ASH1L: variants seen among roughly 807,000 people sequenced by gnomAD.
ASH1L encodes the protein histone-lysine N-methyltransferase ASH1L.
ASH1L carries 23 observed loss-of-function variants against 269.0 expected under a neutral mutation model. The observed-to-expected ratio is 0.09, with a 90% CI of 0.06 to 0.12. The LOEUF (loss-of-function observed/expected upper bound fraction) is 0.12. ASH1L is among the 10% of genes least tolerant of loss of function. ASH1L has a pLI of 1.00. For missense variants in ASH1L, 2,912 were observed against 3,567.8 expected, an observed-to-expected ratio of 0.82 and a Z score of 4.68; for synonymous variants, 1,187 against 1,253.5, an observed-to-expected ratio of 0.95 and a Z score of 1.12.
intron 3 of ASH1L, among the ~76,000 whole-genome samples, chr1:155,475,973 T>C (rs191229022): frequency 6.6e-6 from 1 of 150,732 alleles, no homozygotes; most frequent in Admixed American, 6.6e-5. Context: ...CATTCTCTAT[T>C]ATATAACAAG....
chr1:155,490,752 T>C (rs994851125), intron 2 of ASH1L, among the ~76,000 whole-genome samples: 1 of 151,578 alleles, frequency 6.6e-6, no homozygotes, highest in African/African-American at 2.4e-5. Flanking sequence ...AACCTAAGAG[T>C]TTGAGACTAC....
At chr1:155,555,196 C>T (rs1360399457) in intron 1 of ASH1L, among the ~76,000 whole-genome samples, 1 of 150,458 alleles carries the variant, frequency 6.6e-6, no homozygotes, top group Non-Finnish European at 1.5e-5. Context: ...GACTTTCTTC[C>T]TCTTAAAATT....
At chr1:155,417,775 A>G (rs1021328760) in intron 5 of ASH1L, among the ~76,000 whole-genome samples, 2 of 152,094 alleles carry the variant, frequency 1.3e-5, no homozygotes, top group African/African-American at 4.8e-5. Context: ...CCTGACCAAC[A>G]TGGAGAAACC....
chr1:155,411,586 AATATATATATATATATATATATAT>A lies in ASH1L; in HGVS notation c.6008+4134_6008+4157del, dbSNP rs368800129. Among the ~76,000 whole-genome samples, 37 of 55,190 alleles carry A rather than the reference AATATATATATATATATATATATAT, an allele frequency of 6.7e-4. 1 individual carries two copies. The highest frequency in any genetic ancestry group is 2.6e-3 in the African/African-American group (33 of 12,676). 36.2% of individuals were successfully genotyped at this position (55,190 alleles called of 152,430 possible). On this transcript the variant is annotated intron_variant, in intron 6 of 27. Coordinates refer to ENST00000392403, the MANE Select transcript of ASH1L (RefSeq NM_018489.3). ...AAATATGAATATAAATAAATAAATA[AATATATATATATATATATATATAT>A]ATATATATGTTTTCATCCATGGTTC...
chr1:155,556,401 C>CCTGT (rs1491493444), intron 1 of ASH1L, among the ~76,000 whole-genome samples: 3,008 of 140,548 alleles, frequency 0.021, 110 homozygotes, highest in African/African-American at 0.077. Context: ...CATATATATA[C>CCTGT]GTGTGTGTGT....
At chr1:155,445,788 A>C (rs1199502934) in intron 4 of ASH1L, among the ~76,000 whole-genome samples, 1 of 151,938 alleles carries the variant, frequency 6.6e-6, no homozygotes, top group African/African-American at 2.4e-5. Context: ...CTTATTCTTC[A>C]ATTTTTCTCA....
At chr1:155,518,431 G>A (rs978220427) in intron 2 of ASH1L, among the ~76,000 whole-genome samples, 5 of 151,450 alleles carry the variant, frequency 3.3e-5, no homozygotes, top group Non-Finnish European at 5.9e-5. Context: ...TTGCATCAGA[G>A]GACACAAAAG....
At chr1:155,449,451 T>C (rs970868294) in intron 4 of ASH1L, among the ~76,000 whole-genome samples, 4 of 152,170 alleles carry the variant, frequency 2.6e-5, no homozygotes, top group Non-Finnish European at 5.9e-5. Flanking sequence ...AGACATTTGA[T>C]TACCCAGAAT....
chr1:155,488,087 A>G (rs950659409), intron 2 of ASH1L, among the ~76,000 whole-genome samples: 1 of 150,546 alleles, frequency 6.6e-6, no homozygotes, highest in African/African-American at 2.4e-5. Flanking sequence ...GGGTTTCACC[A>G]TCTTGGCCAG....
At chr1:155,523,484 C>T (rs1669024875) in intron 1 of ASH1L, among the ~76,000 whole-genome samples, 2 of 152,088 alleles carry the variant, frequency 1.3e-5, no homozygotes, top group South Asian at 4.2e-4. Flanking sequence ...AGGGCAAGAC[C>T]CTGTCTCAAG....
intron 19 of ASH1L, among the ~76,000 whole-genome samples, chr1:155,349,095 TA>T (rs1369141135): frequency 6.6e-6 from 1 of 152,114 alleles, no homozygotes; most frequent in African/African-American, 2.4e-5. Flanking sequence ...TTACAAAAAT[TA>T]TTTTTTTGGG....
At chr1:155,337,812 T>C in intron 27 of ASH1L, 61 bp from the exon 28 acceptor site, 1 of 1,496,912 alleles carries the variant, frequency 6.7e-7, no homozygotes, top group Non-Finnish European at 9.3e-7. Flanking sequence ...ATTCCAGATT[T>C]GAGCTCTAAG....
chr1:155,417,188 G>C (rs1458882791), intron 5 of ASH1L, among the ~76,000 whole-genome samples: 2 of 151,072 alleles, frequency 1.3e-5, no homozygotes, highest in Non-Finnish European at 3.0e-5. Flanking sequence ...GCCCACCTCA[G>C]CTTCCCAAAG....
chr1:155,479,563 G>A lies in ASH1L; in HGVS notation c.3307C>T (p.Leu1103Phe). The A allele has an allele frequency of 6.2e-7, 1 of 1,614,178 alleles. No homozygotes were observed. Among genetic ancestry groups the A allele is most frequent in the Non-Finnish European group, 8.5e-7 (1 of 1,180,024 alleles). ...LPSSASSSEI[L>F]PSPICSQSSG... ...GACTGAGAGCAAATAGGTGATGGAA[G>A]AATCTCAGAACTACTAGCAGATGAA... Residue 1103 changes from leucine to phenylalanine, a missense_variant, in exon 3 of 28, where the codon CTT (leucine) becomes TTT (phenylalanine). Leu to Phe is a conservative substitution (Grantham distance 22, BLOSUM62 0). Around this residue, in one of 13 missense-constraint regions of ASH1L, gnomAD observed 157 missense variants for 154.6 expected, o/e 1.02. Transcript: ENST00000392403.
chr1:155,534,235 G>A (rs1669893866), intron 1 of ASH1L, among the ~76,000 whole-genome samples: 1 of 150,134 alleles, frequency 6.7e-6, no homozygotes, highest in Non-Finnish European at 1.5e-5. Context: ...CTCTGAGAAG[G>A]ACAATAACAA....
At chr1:155,543,546 AAGG>A (rs1338671676) in intron 1 of ASH1L, among the ~76,000 whole-genome samples, 9 of 151,490 alleles carry the variant, frequency 5.9e-5, no homozygotes, top group Admixed American at 3.3e-4. Context: ...TCAGTATGAC[AAGG>A]AGATGATTTA....
At chr1:155,523,639 A>G (rs1311688472) in intron 1 of ASH1L, among the ~76,000 whole-genome samples, 1 of 152,194 alleles carries the variant, frequency 6.6e-6, no homozygotes, top group East Asian at 1.9e-4. Flanking sequence ...GCGGGGGCCA[A>G]GGCAGGTGCA....
chr1:155,431,818 A>G (rs111629225), intron 5 of ASH1L, among the ~76,000 whole-genome samples: 5,596 of 152,066 alleles, frequency 0.037, 361 homozygotes, highest in African/African-American at 0.13. Flanking sequence ...AACCAGCCAC[A>G]CTGCTCAGGC....
upstream of ASH1L, chr1:155,562,996 G>A: frequency 2.2e-6 from 1 of 458,082 alleles, no homozygotes; most frequent in South Asian, 1.5e-5. Context: ...GGAGAGGAAG[G>A]GACGGGCCGA....
Sources: allele counts gnomAD v4.1 joint callset (sites outside exome capture counted in the v4.1 genomes callset), GRCh38; gene constraint gnomAD v4.1.1; regional missense constraint gnomAD v4.1.1; transcripts MANE v1.5; gene names NCBI Gene and HGNC (gene_info 2026-07-23, HGNC 2026-07-21).